Variants in MGRN1 observed in about 807,000 individuals in gnomAD.
The protein encoded by MGRN1 is mahogunin ring finger 1, also known as E3 ubiquitin-protein ligase MGRN1.
A neutral mutation model predicts 69.2 loss-of-function variants in MGRN1; 29 were observed. The ratio of observed to expected loss-of-function variants is 0.42; its 90% confidence interval spans 0.31 to 0.57. MGRN1 has a LOEUF of 0.57. MGRN1 is among the 20% of genes least tolerant of loss of function. MGRN1 has a pLI of 0.15. For missense variants in MGRN1, 998 were observed against 796.2 expected (o/e 1.25, Z -3.05); for synonymous variants, 470 against 344.2 (o/e 1.37, Z -4.04).
intron 8 of MGRN1, among the ~76,000 whole-genome samples, chr16:4,669,520 G>C (rs749554169): frequency 6.6e-6 from 1 of 151,574 alleles, no homozygotes; most frequent in Non-Finnish European, 1.5e-5. Context: ...TCTTGGGTGA[G>C]CATATATGTT....
intron 8 of MGRN1, among the ~76,000 whole-genome samples, chr16:4,668,963 C>G (rs957499340): frequency 6.6e-6 from 1 of 151,980 alleles, no homozygotes; most frequent in African/African-American, 2.4e-5. Context: ...TAGACACACT[C>G]ATACAATCAC....
In MGRN1 at chr16:4,688,878, T is replaced by A; in HGVS notation, c.1701T>A (p.Asp567Glu). Residue 567 changes from aspartate (D) to glutamate (E), a missense_variant, in exon 17 of 17, where the codon GAT becomes GAA. Transcript: ENST00000262370. ...TWPPLGGPSPDPSAAELTPL is the reference protein window; with the variant it reads ...TWPPLGGPSPEPSAAELTPL Reference sequence around the variant, plus strand: ...CTCCACTTGGTGGCCCCAGCCCCGATCCCAGCGCCGCCGAGCTGACCCCAC... The same window carrying A: ...CTCCACTTGGTGGCCCCAGCCCCGAACCCAGCGCCGCCGAGCTGACCCCAC... 1 of 1,552,710 alleles carries A rather than the reference T, an allele frequency of 6.4e-7. No individual in the cohort carries two copies. The highest frequency in any genetic ancestry group is 8.7e-7 in the Non-Finnish European group (1 of 1,147,756).
At chr16:4,662,723 TG>T (rs2078710410) in intron 5 of MGRN1, among the ~76,000 whole-genome samples, 1 of 152,164 alleles carries the variant, frequency 6.6e-6, no homozygotes, top group African/African-American at 2.4e-5. Flanking sequence ...CCCTGGTCAC[TG>T]GGGTGGGGAC....
At chr16:4,657,985 G>A (rs113781324) in intron 5 of MGRN1, among the ~76,000 whole-genome samples, 10,667 of 150,794 alleles carry the variant, frequency 0.071, 1,113 homozygotes, top group African/African-American at 0.22. Flanking sequence ...CTTGTGATCC[G>A]CCGGCCTCGG....
intron 10 of MGRN1, 105 bp from the exon 11 acceptor site, chr16:4,677,358 A>AGG (rs1003299390): frequency 3.8e-6 from 3 of 798,116 alleles, no homozygotes; most frequent in Middle Eastern, 3.9e-4. Flanking sequence ...GGGTCACCCC[A>AGG]GGACCCCTAT....
chr16:4,651,481 G>C (rs552263115), intron 2 of MGRN1, among the ~76,000 whole-genome samples: 3 of 152,224 alleles, frequency 2.0e-5, no homozygotes, highest in African/African-American at 7.2e-5. Flanking sequence ...GAAGAAGCTA[G>C]AAGGCAGGGG....
chr16:4,646,113 G>T (rs909825445), intron 1 of MGRN1, among the ~76,000 whole-genome samples: 1 of 152,044 alleles, frequency 6.6e-6, no homozygotes, highest in African/African-American at 2.4e-5. Flanking sequence ...CCGTCGGGGG[G>T]CTCTGGCTCA....
rs1054872206 is a variant in MGRN1 at position 4,681,427 on chromosome 16, C to T, written c.1132-123C>T. 3.7e-5 allele frequency: 34 copies of T among 927,462 alleles called. No individual in the cohort carries two copies. In the African/African-American group the frequency reaches 4.7e-4, roughly 13 times the overall value. The allele number at this position is 927,462 out of a possible 1,614,324, so 57.5% of individuals were successfully genotyped here. ...GTGCTGCCAGGGAGCTCTTGGCCAC[C>T]CTCTGAGGGTGGGGGAGTCTCAATC... is the stretch of plus-strand genomic sequence containing the variant. On this transcript the variant is annotated intron_variant, in intron 12 of 16. Transcript: ENST00000262370.
chr16:4,646,051 A>C (rs890003530), intron 1 of MGRN1, among the ~76,000 whole-genome samples: 2 of 152,198 alleles, frequency 1.3e-5, no homozygotes, highest in Non-Finnish European at 2.9e-5. Flanking sequence ...GTAGTGGCTT[A>C]GCACAGTGAG....
chr16:4,635,307 C>T (rs1898224373), intron 1 of MGRN1, among the ~76,000 whole-genome samples: 2 of 152,022 alleles, frequency 1.3e-5, no homozygotes. Context: ...ATCCCAGCTG[C>T]TCAGGTGGCT....
chr16:4,669,852 T>C (rs1596304898), intron 8 of MGRN1, among the ~76,000 whole-genome samples: 1 of 152,108 alleles, frequency 6.6e-6, no homozygotes, highest in African/African-American at 2.4e-5. Context: ...GGAAGTGTTA[T>C]TCCTGGTGGC....
rs190313139 is a variant in MGRN1, at chr16:4,675,653, C to G, written c.956-1810C>G. Among the ~76,000 whole-genome samples, 547 of 151,748 alleles carry G rather than the reference C, an allele frequency of 3.6e-3. 4 individuals carry two copies. Among genetic ancestry groups the G allele is most frequent in the Middle Eastern group, 0.01 (3 of 292 alleles). On this transcript the variant is annotated intron_variant, in intron 10 of 16. Coordinates refer to ENST00000262370, the MANE Select transcript of MGRN1 (RefSeq NM_015246.4). Reference sequence around the variant, plus strand: ...GGCTGAGGCGGGAGGATCGGCTGAGCCTGGGAGGTTGAGGGTGCAGTGAGC... The same window carrying G: ...GGCTGAGGCGGGAGGATCGGCTGAGGCTGGGAGGTTGAGGGTGCAGTGAGC...
intron 5 of MGRN1, among the ~76,000 whole-genome samples, chr16:4,660,646 G>T (rs145027188): frequency 2.0e-5 from 3 of 152,202 alleles, no homozygotes; most frequent in East Asian, 1.9e-4. Context: ...TGCCTCCCCC[G>T]TTTGGCTCCA....
intron 9 of MGRN1, among the ~76,000 whole-genome samples, chr16:4,671,766 C>T (rs935667037): frequency 2.6e-5 from 4 of 152,072 alleles, no homozygotes; most frequent in African/African-American, 4.8e-5. Context: ...GGCTCCTGCC[C>T]GCCTCCCCAG....
At chr16:4,656,686 G>A (rs1304718042) in intron 4 of MGRN1, among the ~76,000 whole-genome samples, 1 of 152,118 alleles carries the variant, frequency 6.6e-6, no homozygotes, top group East Asian at 1.9e-4. Flanking sequence ...TTCGAGACCA[G>A]CTTGGCCAAC....
chr16:4,656,446 T>C (rs936338108), intron 4 of MGRN1, among the ~76,000 whole-genome samples: 1 of 152,242 alleles, frequency 6.6e-6, no homozygotes, highest in Non-Finnish European at 1.5e-5. Flanking sequence ...CCGCGCTGCA[T>C]GTGGGCACCA....
At chr16:4,625,700 C>G (rs1303339653) in intron 1 of MGRN1, among the ~76,000 whole-genome samples, 1 of 152,216 alleles carries the variant, frequency 6.6e-6, no homozygotes, top group Non-Finnish European at 1.5e-5. Context: ...TGGATGGAAG[C>G]ATAGTTGGGA....
intron 5 of MGRN1, among the ~76,000 whole-genome samples, chr16:4,658,632 C>G (rs1357911330): frequency 6.6e-6 from 1 of 151,994 alleles, no homozygotes; most frequent in African/African-American, 2.4e-5. Flanking sequence ...CATGAGCTGA[C>G]TTACGCTGGG....
chr16:4,682,772 C>G (rs771914893), intron 13 of MGRN1, 51 bp from the exon 14 acceptor site: 14 of 1,470,982 alleles, frequency 9.5e-6, no homozygotes, highest in Admixed American at 2.3e-5. Context: ...CAGGGTTAGC[C>G]TTCCTTGTCG....
Sources: allele counts gnomAD v4.1 joint callset (sites outside exome capture counted in the v4.1 genomes callset), GRCh38; gene constraint gnomAD v4.1.1; transcripts MANE v1.5; gene names NCBI Gene and HGNC (gene_info 2026-07-23, HGNC 2026-07-21).